Variants in WDPCP observed in about 807,000 individuals in gnomAD.
WDPCP encodes the protein WD repeat-containing and planar cell polarity effector protein fritz homolog.
A neutral mutation model predicts 93.1 loss-of-function variants in WDPCP; 71 were observed. That is an observed-to-expected ratio of 0.76 (90% confidence interval 0.63 to 0.93). The LOEUF (loss-of-function observed/expected upper bound fraction) is 0.93. WDPCP is among the 40% of genes least tolerant of loss of function. The pLI is 0.00. For missense variants in WDPCP, 844 were observed against 887.4 expected, an observed-to-expected ratio of 0.95 and a Z score of 0.62; for synonymous variants, 315 against 315.0, an observed-to-expected ratio of 1.00 and a Z score of 0.00.
intron 2 of WDPCP, among the ~76,000 whole-genome samples, chr2:63,738,537 T>G (rs567318191): frequency 2.0e-5 from 3 of 152,218 alleles, no homozygotes; most frequent in African/African-American, 7.2e-5. Flanking sequence ...TTTGTCTGTT[T>G]GATCATGTCA....
At chr2:63,589,123 T>A (rs1389671362), upstream of WDPCP, 1 of 1,613,906 alleles carries the variant, frequency 6.2e-7, no homozygotes, top group East Asian at 2.2e-5. Context: ...TTTAGGGACT[T>A]TTGGGAGGCA....
At chr2:63,717,622 G>A in intron 2 of WDPCP, 1 of 526,376 alleles carries the variant, frequency 1.9e-6, no homozygotes, top group South Asian at 1.4e-5. Flanking sequence ...CCTGCCTAGT[G>A]ACCCCATGTT....
At chr2:63,526,855 C>A (rs1466961233) in intron 1 of WDPCP, among the ~76,000 whole-genome samples, 1 of 152,140 alleles carries the variant, frequency 6.6e-6, no homozygotes, top group Non-Finnish European at 1.5e-5. Context: ...TATTTCTTTG[C>A]TTACTCATCT....
At chr2:63,252,828 CA>C (rs1403245790) in intron 14 of WDPCP, among the ~76,000 whole-genome samples, 1 of 152,114 alleles carries the variant, frequency 6.6e-6, no homozygotes, top group African/African-American at 2.4e-5. Context: ...TTAAAATGTC[CA>C]TACTGCCCAA....
At chr2:63,298,569 G>C (rs1434868774) in intron 13 of WDPCP, among the ~76,000 whole-genome samples, 1 of 152,068 alleles carries the variant, frequency 6.6e-6, no homozygotes, top group Admixed American at 6.6e-5. Flanking sequence ...CTGCTCTCAA[G>C]ACTCCAAGTT....
intron 9 of WDPCP, among the ~76,000 whole-genome samples, chr2:63,418,223 A>C (rs984003687): frequency 6.6e-6 from 1 of 152,218 alleles, no homozygotes; most frequent in African/African-American, 2.4e-5. Context: ...TCTTATATTC[A>C]TGCAGCTGGT....
At chr2:63,375,457 C>G (rs1281492635) in intron 12 of WDPCP, among the ~76,000 whole-genome samples, 1 of 151,834 alleles carries the variant, frequency 6.6e-6, no homozygotes, top group Admixed American at 6.6e-5. Context: ...GACTGTGCTT[C>G]TACTGTTTTC....
chr2:63,477,458 C>T (rs1700035109), intron 6 of WDPCP, among the ~76,000 whole-genome samples: 1 of 152,014 alleles, frequency 6.6e-6, no homozygotes, highest in South Asian at 2.1e-4. Context: ...CAATTTTTAT[C>T]CTCAACATAT....
intron 2 of WDPCP, among the ~76,000 whole-genome samples, chr2:63,778,399 G>C (rs1217458737): frequency 6.6e-6 from 1 of 152,038 alleles, no homozygotes; most frequent in Non-Finnish European, 1.5e-5. Flanking sequence ...AGTGGAGACA[G>C]GGTTTCACCA....
intron 6 of WDPCP, among the ~76,000 whole-genome samples, chr2:63,470,468 C>T (rs907780310): frequency 2.6e-5 from 4 of 152,140 alleles, no homozygotes; most frequent in Non-Finnish European, 5.9e-5. Context: ...CTCTATACCC[C>T]ACATTTGATC....
chr2:63,250,941 A>T (rs1574981586), intron 14 of WDPCP, among the ~76,000 whole-genome samples: 1 of 152,170 alleles, frequency 6.6e-6, no homozygotes, highest in Non-Finnish European at 1.5e-5. Context: ...GAGCATTTCC[A>T]CTGTAACCTC....
chr2:63,722,075 G>A (rs1351011359), intron 2 of WDPCP, among the ~76,000 whole-genome samples: 8 of 152,032 alleles, frequency 5.3e-5, no homozygotes, highest in Non-Finnish European at 8.8e-5. Context: ...ATCTCGGCTC[G>A]CTACAACCTC....
At chr2:63,738,097 T>C (rs1029810172) in intron 2 of WDPCP, among the ~76,000 whole-genome samples, 1 of 152,140 alleles carries the variant, frequency 6.6e-6, no homozygotes, top group African/African-American at 2.4e-5. Flanking sequence ...TCTGGAGACA[T>C]ATTCTGACAA....
At chr2:63,161,629 C>G (rs1672649900) in intron 15 of WDPCP, among the ~76,000 whole-genome samples, 1 of 152,028 alleles carries the variant, frequency 6.6e-6, no homozygotes, top group Admixed American at 6.6e-5. Context: ...TCAATTTAAA[C>G]TGGGGTTGAA....
intron 2 of WDPCP, among the ~76,000 whole-genome samples, chr2:63,706,566 G>C: frequency 6.8e-6 from 1 of 148,004 alleles, no homozygotes; most frequent in Non-Finnish European, 1.5e-5. Context: ...GCTTAGTTTG[G>C]CTGGATATGA....
chr2:63,631,464 A>G (rs1370837650), intron 3 of WDPCP, among the ~76,000 whole-genome samples: 1 of 152,140 alleles, frequency 6.6e-6, no homozygotes, highest in Non-Finnish European at 1.5e-5. Context: ...TAAAAGTGGA[A>G]CCAATAAAAT....
chr2:63,583,660 A>G (rs1382276735), intron 1 of WDPCP, among the ~76,000 whole-genome samples: 1 of 148,640 alleles, frequency 6.7e-6, no homozygotes, highest in East Asian at 2.0e-4. Flanking sequence ...CAGCCTGGCG[A>G]CAGAGCAAGA....
intron 1 of WDPCP, among the ~76,000 whole-genome samples, chr2:63,513,216 G>T (rs910087236): frequency 5.3e-5 from 8 of 152,190 alleles, no homozygotes; most frequent in Non-Finnish European, 7.3e-5. Flanking sequence ...ATTATTTACT[G>T]CAGAGAAAAA....
chr2:63,339,514 G>A lies in WDPCP; in HGVS notation c.1749-26203C>T, dbSNP rs117141024. Among the ~76,000 whole-genome samples the A allele has an allele frequency of 6.6e-4, 100 of 152,150 alleles. 1 individual carries two copies. In the South Asian group the frequency reaches 0.013, roughly 20 times the overall value. ...TTGTTTGCTGTTGGTATATATAAGCGCTGCTGATTTTTGTATGTTAATTTT... is the reference window on the plus strand; with the variant it reads ...TTGTTTGCTGTTGGTATATATAAGCACTGCTGATTTTTGTATGTTAATTTT... On this transcript the variant is annotated intron_variant, in intron 12 of 17. Transcript: ENST00000272321.
Sources: allele counts gnomAD v4.1 joint callset (sites outside exome capture counted in the v4.1 genomes callset), GRCh38; gene constraint gnomAD v4.1.1; transcripts MANE v1.5; gene names NCBI Gene and HGNC (gene_info 2026-07-23, HGNC 2026-07-21).